The following PAM variants were observed in gnomAD, a reference collection of about 807,000 sequenced individuals.
PAM encodes the protein peptidylglycine alpha-amidating monooxygenase, also known as peptidyl-glycine alpha-amidating monooxygenase.
Under a neutral mutation model 122.1 loss-of-function variants are expected in PAM, and 72 were observed. That is an observed-to-expected ratio of 0.59 (90% CI 0.49 to 0.72). The LOEUF is 0.72. Ranked by LOEUF, PAM falls within the 30% of genes least tolerant of loss-of-function variation. The pLI, the probability that PAM is intolerant of heterozygous loss-of-function variation, is 0.00. For synonymous variants in PAM, 389 were observed against 404.4 expected, an observed-to-expected ratio of 0.96 and a Z score of 0.46; for missense variants, 1,106 against 1,183.7, an observed-to-expected ratio of 0.93 and a Z score of 0.96.
intron 1 of PAM, among the ~76,000 whole-genome samples, chr5:102,815,368 C>G: frequency 6.6e-6 from 1 of 152,038 alleles, no homozygotes; most frequent in Middle Eastern, 3.2e-3. Context: ...GAAGCAGCAG[C>G]AGCAAAATGT....
intron 1 of PAM, among the ~76,000 whole-genome samples, chr5:102,822,226 C>G (rs1772199540): frequency 6.6e-6 from 1 of 152,130 alleles, no homozygotes; most frequent in Non-Finnish European, 1.5e-5. Flanking sequence ...ATCTACTTTA[C>G]ACATTTTTAT....
intron 3 of PAM, among the ~76,000 whole-genome samples, chr5:102,894,947 G>A (rs1795780651): frequency 6.6e-6 from 1 of 151,228 alleles, no homozygotes; most frequent in Non-Finnish European, 1.5e-5. Context: ...TAGTTACATG[G>A]CATCTTCACT....
chr5:102,813,119 A>G (rs1250901102), intron 1 of PAM, among the ~76,000 whole-genome samples: 1 of 151,646 alleles, frequency 6.6e-6, no homozygotes. Flanking sequence ...TTGTGATAGA[A>G]GAGATTGTTT....
chr5:102,818,587 G>A (rs1001108599), intron 1 of PAM, among the ~76,000 whole-genome samples: 1 of 152,050 alleles, frequency 6.6e-6, no homozygotes, highest in Non-Finnish European at 1.5e-5. Flanking sequence ...CTTTGCTCAG[G>A]ATGTCCTTTG....
chr5:102,912,301 G>A (rs1238226404), intron 4 of PAM, among the ~76,000 whole-genome samples: 4 of 151,868 alleles, frequency 2.6e-5, no homozygotes, highest in Admixed American at 1.3e-4. Context: ...TTTTAAAAAC[G>A]TGGGAGGGGG....
chr5:102,923,998 T>C (rs1748397091), intron 5 of PAM, among the ~76,000 whole-genome samples: 1 of 152,224 alleles, frequency 6.6e-6, no homozygotes, highest in Admixed American at 6.5e-5. Context: ...TACTTATCCC[T>C]GTTTTCCGTG....
chr5:102,921,501 T>C (rs1264875986), intron 5 of PAM, among the ~76,000 whole-genome samples: 1 of 152,138 alleles, frequency 6.6e-6, no homozygotes, highest in Non-Finnish European at 1.5e-5. Flanking sequence ...AGTCCTCCCA[T>C]TGAGTTTTAG....
intron 16 of PAM, among the ~76,000 whole-genome samples, chr5:102,996,718 A>G (rs1002239084): frequency 6.6e-5 from 10 of 152,234 alleles, no homozygotes; most frequent in Non-Finnish European, 1.5e-4. Flanking sequence ...GTTTAAACAT[A>G]TAGACGTCTG....
intron 7 of PAM, among the ~76,000 whole-genome samples, chr5:102,935,392 A>G (rs936989640): frequency 4.6e-5 from 7 of 152,182 alleles, no homozygotes; most frequent in Middle Eastern, 3.4e-3. Context: ...AAGCTCTTCC[A>G]TGATTTATAA....
At chr5:102,942,434 T>G (rs1361862879) in intron 7 of PAM, among the ~76,000 whole-genome samples, 1 of 152,014 alleles carries the variant, frequency 6.6e-6, no homozygotes, top group Non-Finnish European at 1.5e-5. Flanking sequence ...TTGCATTTAG[T>G]GATAATATAA....
intron 1 of PAM, among the ~76,000 whole-genome samples, chr5:102,783,018 G>A (rs1371517309): frequency 6.7e-6 from 1 of 150,006 alleles, no homozygotes; most frequent in Non-Finnish European, 1.5e-5. Context: ...ATGTCAGGGT[G>A]TATTTCTGTG....
intron 23 of PAM, among the ~76,000 whole-genome samples, chr5:103,022,466 G>A (rs926053490): frequency 2.0e-5 from 3 of 152,022 alleles, no homozygotes; most frequent in South Asian, 2.1e-4. Flanking sequence ...ATGTATATGT[G>A]CACTCACACA....
At chr5:102,862,110 G>C (rs961427656) in intron 1 of PAM, among the ~76,000 whole-genome samples, 5 of 150,396 alleles carry the variant, frequency 3.3e-5, no homozygotes, top group African/African-American at 1.2e-4. Flanking sequence ...GCAGAGGTTG[G>C]AGTGAGCCAA....
intron 1 of PAM, among the ~76,000 whole-genome samples, chr5:102,809,116 C>T (rs1036459161): frequency 3.3e-5 from 5 of 152,136 alleles, no homozygotes; most frequent in Non-Finnish European, 7.4e-5. Flanking sequence ...TCTCTATCAG[C>T]CTCCTTCTGA....
In PAM at chr5:102,990,402, G is replaced by C; in HGVS notation, c.1613+1G>C. On this transcript the variant is annotated splice_donor_variant, in intron 16 of 25. Transcript: ENST00000438793. LOFTEE classifies it high-confidence loss of function. ...GAGGTGACCATGTCTGGGATGGAAA[G>C]TAAGTAATATTTTTTCTTCAATAAG... 1 of 1,575,876 alleles carries C rather than the reference G, an allele frequency of 6.3e-7. No individual in the cohort carries two copies. The highest frequency in any genetic ancestry group is 8.6e-7 in the Non-Finnish European group (1 of 1,158,080).
chr5:102,983,890 A>G (rs1001567265), intron 15 of PAM, among the ~76,000 whole-genome samples: 5 of 152,214 alleles, frequency 3.3e-5, no homozygotes, highest in Non-Finnish European at 5.9e-5. Context: ...GATATATTCA[A>G]AGTGTTAAAA....
Position 102,926,612 on chromosome 5 carries a change from C to T in PAM, c.470C>T (p.Thr157Ile). ...GTTGGATTCAGAGTTGGAGGAGAGA[C>T]TGGAAGTAAATACTTTGTACTACAG... ...KGVGFRVGGETGSKYFVLQVH... is the reference protein window; with the variant it reads ...KGVGFRVGGEIGSKYFVLQVH... Residue 157 changes from threonine to isoleucine, a missense_variant, in exon 7 of 26, where the codon ACT becomes ATT. This residue lies in a region of PAM where 670 missense variants were observed against 690.3 expected (regional missense o/e 0.97). Coordinates refer to ENST00000438793, the MANE Select transcript of PAM (RefSeq NM_001177306.2). 3 of 1,596,918 alleles carry T rather than the reference C, an allele frequency of 1.9e-6. No homozygotes were observed. Among genetic ancestry groups the T allele is most frequent in the Middle Eastern group, 3.3e-4 (2 of 6,000 alleles).
intron 3 of PAM, among the ~76,000 whole-genome samples, chr5:102,890,274 C>G (rs1352068564): frequency 6.6e-6 from 1 of 151,798 alleles, no homozygotes; most frequent in South Asian, 2.1e-4. Flanking sequence ...TGTCTCTCTT[C>G]TTGTAATGTT....
chr5:102,766,056 G>A (rs1753841734), intron 1 of PAM, among the ~76,000 whole-genome samples: 1 of 152,014 alleles, frequency 6.6e-6, no homozygotes, highest in Non-Finnish European at 1.5e-5. Context: ...AATTAGTTCT[G>A]TGTTACTAAA....
Sources: gnomAD v4.1 joint callset for allele counts (sites outside exome capture counted in the v4.1 genomes callset) on GRCh38, gnomAD v4.1.1 for gene constraint, gnomAD v4.1.1 regional missense constraint, MANE v1.5 for transcripts, NCBI Gene and HGNC (gene_info 2026-07-23, HGNC 2026-07-21) for gene names.